The following SLC24A2 variants were observed in gnomAD, a reference collection of about 807,000 sequenced individuals.
SLC24A2 encodes the protein solute carrier family 24 member 2, also known as sodium/potassium/calcium exchanger 2.
Under a neutral mutation model 62.0 loss-of-function variants are expected in SLC24A2, and 36 were observed. That is an observed-to-expected ratio of 0.58 (90% CI 0.44 to 0.77). SLC24A2 has a LOEUF of 0.77. Among genes scored for constraint, SLC24A2 ranks in the 30% least tolerant of loss-of-function variants. The pLI, the probability that SLC24A2 is intolerant of heterozygous loss-of-function variation, is 0.00. For synonymous variants in SLC24A2, 358 were observed against 294.0 expected, an observed-to-expected ratio of 1.22 and a Z score of -2.23; for missense variants, 846 against 817.9, an observed-to-expected ratio of 1.03 and a Z score of -0.42.
At chr9:20,081,880 T>C in the SLC24A2 span, among the ~76,000 whole-genome samples, 1 of 152,212 alleles carries the variant, frequency 6.6e-6, no homozygotes, top group East Asian at 1.9e-4. Flanking sequence ...TAATTAATGT[T>C]ATTTCCCTAA....
intron 2 of SLC24A2, among the ~76,000 whole-genome samples, chr9:19,771,015 C>G (rs539605629): frequency 6.6e-6 from 1 of 152,148 alleles, no homozygotes; most frequent in South Asian, 2.1e-4. Context: ...GATGGTGGTA[C>G]GGTATTCTAA....
At chr9:19,931,257 A>T in the SLC24A2 span, among the ~76,000 whole-genome samples, 1 of 152,246 alleles carries the variant, frequency 6.6e-6, no homozygotes, top group Middle Eastern at 3.2e-3. Flanking sequence ...AACTGGACTG[A>T]TAATTATCAA....
At chr9:19,546,247 G>T (rs1340093348) in intron 8 of SLC24A2, among the ~76,000 whole-genome samples, 1 of 152,244 alleles carries the variant, frequency 6.6e-6, no homozygotes, top group East Asian at 1.9e-4. Flanking sequence ...TCTCTTCAGA[G>T]CCAGTAGGCA....
chr9:19,570,303 G>A (rs1051526149), intron 7 of SLC24A2, among the ~76,000 whole-genome samples: 4 of 152,096 alleles, frequency 2.6e-5, no homozygotes, highest in Non-Finnish European at 4.4e-5. Flanking sequence ...CTTTGCACAT[G>A]TTGTCATTTT....
the SLC24A2 span, among the ~76,000 whole-genome samples, chr9:19,884,000 C>G: frequency 6.6e-6 from 1 of 152,162 alleles, no homozygotes; most frequent in East Asian, 1.9e-4. Flanking sequence ...TCCTGCTAGA[C>G]TGAAGTGATC....
the SLC24A2 span, among the ~76,000 whole-genome samples, chr9:19,940,955 T>C: frequency 6.6e-6 from 1 of 152,130 alleles, no homozygotes; most frequent in Non-Finnish European, 1.5e-5. Flanking sequence ...AAGAGACATA[T>C]ATTATGTGGG....
At chr9:20,117,776 T>A in the SLC24A2 span, among the ~76,000 whole-genome samples, 1 of 152,148 alleles carries the variant, frequency 6.6e-6, no homozygotes, top group Non-Finnish European at 1.5e-5. Context: ...TACTAAGGGC[T>A]TATTATGTGT....
At chr9:19,613,201 C>T (rs1817667790) in intron 4 of SLC24A2, among the ~76,000 whole-genome samples, 1 of 152,184 alleles carries the variant, frequency 6.6e-6, no homozygotes, top group Non-Finnish European at 1.5e-5. Context: ...ATTTTCACCC[C>T]TGAATTTCTA....
chr9:19,940,113 T>C, the SLC24A2 span, among the ~76,000 whole-genome samples: 1 of 152,188 alleles, frequency 6.6e-6, no homozygotes, highest in Admixed American at 6.5e-5. Flanking sequence ...AGTAAAAAAC[T>C]CATCAAAGGC....
the SLC24A2 span, among the ~76,000 whole-genome samples, chr9:20,277,431 T>C: frequency 2.9e-4 from 44 of 151,644 alleles, no homozygotes; most frequent in South Asian, 8.1e-3. Flanking sequence ...GCAAAGGATA[T>C]GAACAGACAC....
intron 7 of SLC24A2, among the ~76,000 whole-genome samples, chr9:19,553,853 C>G (rs1032094003): frequency 6.6e-6 from 1 of 152,222 alleles, no homozygotes; most frequent in Non-Finnish European, 1.5e-5. Flanking sequence ...AGTTACAGGG[C>G]TGCTGGCCGG....
chr9:19,923,032 C>T, the SLC24A2 span, among the ~76,000 whole-genome samples: 1 of 149,220 alleles, frequency 6.7e-6, no homozygotes, highest in Non-Finnish European at 1.5e-5. Flanking sequence ...TTTAACCTAC[C>T]AGTTTTTTAA....
At chr9:19,873,010 G>T in the SLC24A2 span, among the ~76,000 whole-genome samples, 1 of 152,062 alleles carries the variant, frequency 6.6e-6, no homozygotes, top group Non-Finnish European at 1.5e-5. Context: ...AGAAGAAGAA[G>T]AATGATTCAG....
chr9:20,224,326 G>A, the SLC24A2 span, among the ~76,000 whole-genome samples: 1 of 151,846 alleles, frequency 6.6e-6, no homozygotes, highest in Admixed American at 6.6e-5. Flanking sequence ...AAATCTCACT[G>A]AGCCACAAAC....
chr9:20,153,625 C>G, the SLC24A2 span, among the ~76,000 whole-genome samples: 1 of 151,818 alleles, frequency 6.6e-6, no homozygotes, highest in South Asian at 2.1e-4. Context: ...TCTATGATTA[C>G]TATGGGCTCA....
At position 19,787,012 on chromosome 9, in the gene SLC24A2, C is replaced by T; in HGVS notation, c.-146G>A. 3 of 1,402,406 alleles carry T rather than the reference C, an allele frequency of 2.1e-6. No homozygotes were observed. The highest frequency in any genetic ancestry group is 2.8e-6 in the Non-Finnish European group (3 of 1,081,626). 86.9% of individuals were successfully genotyped at this position (1,402,406 alleles called of 1,614,324 possible). ...GTTATGCTTCACAGGAAACTTTCAT[C>T]ATTTATGCTTAAATAAAAATAAAAA... On this transcript the variant is annotated 5_prime_UTR_variant, in exon 2 of 11. An upstream start codon of the reference 5' UTR is lost. Transcript: ENST00000341998.
the SLC24A2 span, among the ~76,000 whole-genome samples, chr9:19,951,357 CA>C: frequency 6.6e-6 from 1 of 151,522 alleles, no homozygotes; most frequent in Non-Finnish European, 1.5e-5. Context: ...TTTATTTTTA[CA>C]AAGTCCAACT....
At chr9:20,045,940 A>T in the SLC24A2 span, among the ~76,000 whole-genome samples, 1 of 152,204 alleles carries the variant, frequency 6.6e-6, no homozygotes, top group South Asian at 2.1e-4. Context: ...CACACTCCCC[A>T]CATATGGAGA....
intron 2 of SLC24A2, among the ~76,000 whole-genome samples, chr9:19,767,233 A>G (rs1272727036): frequency 1.3e-5 from 2 of 152,134 alleles, no homozygotes; most frequent in Non-Finnish European, 2.9e-5. Flanking sequence ...GCTGGGTTCC[A>G]TGGGTGTGGG....
Sources: allele counts gnomAD v4.1 joint callset (sites outside exome capture counted in the v4.1 genomes callset), GRCh38; gene constraint gnomAD v4.1.1; transcripts MANE v1.5; gene names NCBI Gene and HGNC (gene_info 2026-07-23, HGNC 2026-07-21).